The following ZFPM2 variants were observed in gnomAD, a reference collection of about 807,000 sequenced individuals.
ZFPM2 encodes the protein zinc finger protein, FOG family member 2.
Under a neutral mutation model 98.6 loss-of-function variants are expected in ZFPM2, and 20 were observed. That is an observed-to-expected ratio of 0.20 (90% CI 0.14 to 0.29). ZFPM2 has a LOEUF of 0.29. Ranked by LOEUF, ZFPM2 falls within the 10% of genes least tolerant of loss-of-function variation. ZFPM2 has a pLI of 1.00. For synonymous variants in ZFPM2, 518 were observed against 502.7 expected, an observed-to-expected ratio of 1.03 and a Z score of -0.41; for missense variants, 1,310 against 1,388.6, an observed-to-expected ratio of 0.94 and a Z score of 0.90.
intron 3 of ZFPM2, among the ~76,000 whole-genome samples, chr8:105,527,215 G>A (rs1319126135): frequency 2.6e-5 from 4 of 152,080 alleles, no homozygotes; most frequent in African/African-American, 9.7e-5. Flanking sequence ...CCACACCATC[G>A]TTTTGAAAGT....
At chr8:105,628,199 C>T (rs1816693791) in intron 4 of ZFPM2, among the ~76,000 whole-genome samples, 1 of 152,100 alleles carries the variant, frequency 6.6e-6, no homozygotes, top group South Asian at 2.1e-4. Flanking sequence ...ATAGATGCTA[C>T]CAGTGGCATG....
intron 2 of ZFPM2, among the ~76,000 whole-genome samples, chr8:105,443,955 G>A (rs993964865): frequency 6.6e-6 from 1 of 152,030 alleles, no homozygotes; most frequent in Non-Finnish European, 1.5e-5. Context: ...AAGTTTTTCT[G>A]TATTGAAAGT....
intron 4 of ZFPM2, among the ~76,000 whole-genome samples, chr8:105,615,358 A>G (rs1816392059): frequency 6.6e-6 from 1 of 152,170 alleles, no homozygotes; most frequent in Non-Finnish European, 1.5e-5. Context: ...AGGACAGAGC[A>G]AACTCTGAGT....
chr8:105,524,401 G>A (rs1424371058), intron 3 of ZFPM2, among the ~76,000 whole-genome samples: 1 of 151,748 alleles, frequency 6.6e-6, no homozygotes, highest in Admixed American at 6.6e-5. Flanking sequence ...ACTCCTTTCC[G>A]TTTTGCCTTA....
chr8:105,383,765 A>G (rs778726429), intron 1 of ZFPM2, among the ~76,000 whole-genome samples: 3 of 152,180 alleles, frequency 2.0e-5, no homozygotes, highest in Non-Finnish European at 2.9e-5. Context: ...TGAATTGACA[A>G]TTGGAATAGA....
intron 4 of ZFPM2, among the ~76,000 whole-genome samples, chr8:105,622,714 C>T (rs1816577235): frequency 6.6e-6 from 1 of 152,084 alleles, no homozygotes; most frequent in Non-Finnish European, 1.5e-5. Flanking sequence ...AAGGAAGCAG[C>T]CTGGCTCCAG....
At chr8:105,625,505 C>A (rs910331533) in intron 4 of ZFPM2, among the ~76,000 whole-genome samples, 1 of 152,018 alleles carries the variant, frequency 6.6e-6, no homozygotes, top group Non-Finnish European at 1.5e-5. Context: ...TTAATTGAAG[C>A]AAGTGACATG....
At chr8:105,343,269 A>T (rs1476906101) in intron 1 of ZFPM2, among the ~76,000 whole-genome samples, 1 of 152,138 alleles carries the variant, frequency 6.6e-6, no homozygotes, top group Non-Finnish European at 1.5e-5. Flanking sequence ...TTCCAGAACC[A>T]TTCTGCAATG....
chr8:105,687,219 T>C (rs1326269579), intron 5 of ZFPM2, among the ~76,000 whole-genome samples: 1 of 152,206 alleles, frequency 6.6e-6, no homozygotes, highest in Non-Finnish European at 1.5e-5. Flanking sequence ...AAGGTCACAC[T>C]GCCAGCCTAT....
At chr8:105,406,654 CTT>C (rs915958113) in intron 1 of ZFPM2, among the ~76,000 whole-genome samples, 4 of 151,944 alleles carry the variant, frequency 2.6e-5, no homozygotes, top group African/African-American at 9.7e-5. Flanking sequence ...TGGGATCTGT[CTT>C]AGAATAACCT....
chr8:105,797,201 G>GTTACT (rs1362598714), intron 6 of ZFPM2: 1 of 152,158 alleles, frequency 6.6e-6, no homozygotes, highest in East Asian at 1.9e-4. Flanking sequence ...GGATGGGCGA[G>GTTACT]TTACTTAACA....
At chr8:105,790,890 CTGTT>C (rs965425384) in intron 6 of ZFPM2, among the ~76,000 whole-genome samples, 8 of 151,988 alleles carry the variant, frequency 5.3e-5, no homozygotes, top group Admixed American at 1.3e-4. Context: ...ATTTGGCTCT[CTGTT>C]TGTTATTGGT....
chr8:105,381,959 G>T (rs1358107057), intron 1 of ZFPM2, among the ~76,000 whole-genome samples: 1 of 152,084 alleles, frequency 6.6e-6, no homozygotes, highest in Admixed American at 6.6e-5. Context: ...TAAGTGGTTT[G>T]CCATAAATTC....
chr8:105,752,326 G>T (rs757266248), intron 5 of ZFPM2, among the ~76,000 whole-genome samples: 1 of 152,056 alleles, frequency 6.6e-6, no homozygotes, highest in South Asian at 2.1e-4. Context: ...TCTGTGTTCC[G>T]TCGTCAAGAA....
At chr8:105,613,004 A>C (rs1415725730) in intron 4 of ZFPM2, among the ~76,000 whole-genome samples, 1 of 152,172 alleles carries the variant, frequency 6.6e-6, no homozygotes, top group African/African-American at 2.4e-5. Flanking sequence ...TGTGATCTTT[A>C]CAACACTCAG....
intron 5 of ZFPM2, among the ~76,000 whole-genome samples, chr8:105,750,802 G>A (rs1812457266): frequency 6.6e-6 from 1 of 152,020 alleles, no homozygotes; most frequent in African/African-American, 2.4e-5. Context: ...TAGGAGCAAC[G>A]ATGACATTTT....
At chr8:105,767,335 A>G (rs1300099565) in intron 5 of ZFPM2, among the ~76,000 whole-genome samples, 1 of 151,912 alleles carries the variant, frequency 6.6e-6, no homozygotes. Flanking sequence ...AGAGAATGCC[A>G]TTGTAGAATT....
At chr8:105,791,211 G>A (rs1363727882) in intron 6 of ZFPM2, among the ~76,000 whole-genome samples, 2 of 152,010 alleles carry the variant, frequency 1.3e-5, no homozygotes, top group African/African-American at 4.8e-5. Flanking sequence ...CATTCAGTAT[G>A]ATATTGGCTG....
At chr8:105,728,393 A>C (rs1811861753) in intron 5 of ZFPM2, among the ~76,000 whole-genome samples, 1 of 151,808 alleles carries the variant, frequency 6.6e-6, no homozygotes, top group Non-Finnish European at 1.5e-5. Context: ...CTCTAGCACT[A>C]TTCCATGATT....
Sources: gnomAD v4.1 joint callset for allele counts (sites outside exome capture counted in the v4.1 genomes callset) on GRCh38, gnomAD v4.1.1 for gene constraint, MANE v1.5 for transcripts, NCBI Gene and HGNC (gene_info 2026-07-23, HGNC 2026-07-21) for gene names.